MYT1L: variants seen among roughly 807,000 people sequenced by gnomAD.
The protein encoded by MYT1L is myelin transcription factor 1-like protein.
MYT1L carries 12 observed loss-of-function variants against 126.7 expected under a neutral mutation model. That is an observed-to-expected ratio of 0.09 (90% CI 0.06 to 0.15). The LOEUF is 0.15. MYT1L is among the 10% of genes least tolerant of loss of function. The pLI, the probability that MYT1L is intolerant of heterozygous loss-of-function variation, is 1.00. For synonymous variants in MYT1L, 541 were observed against 604.2 expected (o/e 0.90, Z 1.53); for missense variants, 979 against 1,585.2 (o/e 0.62, Z 6.49).
At chr2:2,079,446 T>C (rs542928765) in intron 3 of MYT1L, among the ~76,000 whole-genome samples, 7 of 152,372 alleles carry the variant, frequency 4.6e-5, no homozygotes, top group African/African-American at 1.7e-4. Context: ...TTCTAAGTAG[T>C]ATTTTTCAAT....
intron 21 of MYT1L, among the ~76,000 whole-genome samples, chr2:1,823,601 C>G (rs535034998): frequency 8.0e-5 from 12 of 150,628 alleles, no homozygotes; most frequent in Admixed American, 2.0e-4. Context: ...CAGGAAGACC[C>G]TCAGCTGGCT....
intron 3 of MYT1L, among the ~76,000 whole-genome samples, chr2:2,141,462 C>A (rs1575450494): frequency 6.6e-6 from 1 of 152,308 alleles, no homozygotes; most frequent in East Asian, 1.9e-4. Context: ...CTATGTATTG[C>A]ATTATCCCGT....
intron 8 of MYT1L, among the ~76,000 whole-genome samples, chr2:1,969,569 C>T (rs1244502918): frequency 6.6e-6 from 1 of 152,212 alleles, no homozygotes; most frequent in South Asian, 2.1e-4. Context: ...ACTTGGGGAA[C>T]CCCGGCTCTA....
intron 2 of MYT1L, among the ~76,000 whole-genome samples, chr2:2,241,522 T>C (rs1301603827): frequency 6.6e-6 from 1 of 152,238 alleles, no homozygotes; most frequent in Non-Finnish European, 1.5e-5. Flanking sequence ...GGAGGCCACA[T>C]GTTGCACTCC....
Position 1,979,022 on chromosome 2 carries a change from T to A in MYT1L, c.152+143A>T. 1 of 674,478 alleles carries A rather than the reference T, an allele frequency of 1.5e-6. No individual in the cohort carries two copies. Among genetic ancestry groups the A allele is most frequent in the Non-Finnish European group, 2.6e-6 (1 of 386,424 alleles). The allele number at this position is 674,478 out of a possible 1,614,324, so 41.8% of individuals were successfully genotyped here. A position where few individuals can be genotyped will look rare whatever the true frequency, so the allele number is the denominator to read the frequency against. On this transcript the variant is annotated intron_variant, in intron 8 of 24. Transcript: ENST00000647738. This position sits in a 1 kb window ranked among gnomAD's most constrained non-coding sequence, Gnocchi z 4.0. ...GAGAACCCTTTCAAGAGACAAAGAC[T>A]GAGTTCCAGTGTGAGAAGAAAAAGA...
chr2:2,155,437 A>G (rs1286108153), intron 3 of MYT1L, among the ~76,000 whole-genome samples: 2 of 152,146 alleles, frequency 1.3e-5, no homozygotes, highest in Non-Finnish European at 2.9e-5. Flanking sequence ...TAACACCTAT[A>G]ATTTCCTGGT....
At chr2:2,027,257 C>G (rs550547511) in intron 4 of MYT1L, among the ~76,000 whole-genome samples, 1 of 152,128 alleles carries the variant, frequency 6.6e-6, no homozygotes, top group Non-Finnish European at 1.5e-5. Context: ...AGCACCCTCC[C>G]GGCTGGTGAG....
chr2:1,839,495 A>G (rs1193519876), intron 20 of MYT1L, 125 bp from the exon 21 acceptor site: 1 of 815,974 alleles, frequency 1.2e-6, no homozygotes, highest in African/African-American at 1.7e-5. Context: ...GGCTGGGCAA[A>G]AGGAAAAGAA....
rs1348734406 is a variant in MYT1L at position 1,929,412 on chromosome 2, A to C, written c.506-6149T>G. ...AACTCAGAGCCCTGCAGTTCAACGCAGGTGAAAGGGGAACATGGAGGGTGA... is the reference window on the plus strand; with the variant it reads ...AACTCAGAGCCCTGCAGTTCAACGCCGGTGAAAGGGGAACATGGAGGGTGA... On this transcript the variant is annotated intron_variant, in intron 9 of 24. Coordinates refer to ENST00000647738, the MANE Select transcript of MYT1L (RefSeq NM_001303052.2). The surrounding 1 kb of genome is among the most constrained non-coding windows in gnomAD (Gnocchi z 4.7). Among the ~76,000 whole-genome samples the C allele has an allele frequency of 6.6e-6, 1 of 152,118 alleles. No individual in the cohort carries two copies. Among genetic ancestry groups the C allele is most frequent in the Non-Finnish European group, 1.5e-5 (1 of 68,024 alleles).
At position 1,806,722 on chromosome 2, in the gene MYT1L, C is replaced by T. The variant is rs1400978596; in HGVS notation, c.3172+2354G>A. On this transcript the variant is annotated intron_variant, in intron 22 of 24. Coordinates refer to ENST00000647738, the MANE Select transcript of MYT1L (RefSeq NM_001303052.2). This position sits in a 1 kb window ranked among gnomAD's most constrained non-coding sequence, Gnocchi z 4.9. ...GGACCAGCCCAGGTGTGAATGGCCC[C>T]TCCTCTAGGATTGGCAGATCTGTTC... Among the ~76,000 whole-genome samples the T allele has an allele frequency of 6.6e-6, 1 of 152,192 alleles. No individual in the cohort carries two copies. The highest frequency in any genetic ancestry group is 2.4e-5 in the African/African-American group (1 of 41,452).
intron 18 of MYT1L, among the ~76,000 whole-genome samples, chr2:1,884,259 G>A (rs925532998): frequency 3.3e-5 from 5 of 152,230 alleles, no homozygotes; most frequent in African/African-American, 9.6e-5. Context: ...ACAGGACACA[G>A]TGAATGGCTT....
intron 2 of MYT1L, among the ~76,000 whole-genome samples, chr2:2,236,012 G>A (rs188445683): frequency 2.1e-4 from 32 of 152,176 alleles, no homozygotes; most frequent in African/African-American, 7.5e-4. Context: ...ATTCCCAAAG[G>A]AGCCCAAGAA....
intron 13 of MYT1L, among the ~76,000 whole-genome samples, chr2:1,909,537 A>G (rs1351622701): frequency 6.6e-6 from 1 of 152,208 alleles, no homozygotes; most frequent in Non-Finnish European, 1.5e-5. Context: ...TTCAAACAAC[A>G]CGTAAGAATG....
rs557597119 is a variant in MYT1L, at chr2:2,159,291, G to C, written c.-304+13581C>G. Among the ~76,000 whole-genome samples the C allele has an allele frequency of 7.2e-5, 11 of 152,238 alleles. No individual in the cohort carries two copies. In the South Asian group the frequency reaches 2.3e-3, roughly 32 times the overall value. ...TCGCTAACTTGGAAATGGGGTCAAG[G>C]GTCCAGTATTCATGGTCTCTTCGGG... On this transcript the variant is annotated intron_variant, in intron 3 of 24. Transcript: ENST00000647738.
At chr2:2,266,897 C>T (rs574160486) in intron 2 of MYT1L, among the ~76,000 whole-genome samples, 1 of 152,322 alleles carries the variant, frequency 6.6e-6, no homozygotes, top group Admixed American at 6.5e-5. Context: ...TGTGAGGCCT[C>T]CCACGTGGAA....
chr2:2,319,658 C>T (rs2149680322), intron 1 of MYT1L, among the ~76,000 whole-genome samples: 1 of 152,224 alleles, frequency 6.6e-6, no homozygotes, highest in East Asian at 1.9e-4. Flanking sequence ...CTTCACTCAA[C>T]TCTTCTTCTT....
chr2:1,964,348 T>C (rs184737010), intron 8 of MYT1L, among the ~76,000 whole-genome samples: 20 of 152,286 alleles, frequency 1.3e-4, no homozygotes, highest in African/African-American at 4.3e-4. Flanking sequence ...GTTTGAAATA[T>C]TGCGAGAATT....
chr2:1,900,311 T>C (rs987761851), intron 14 of MYT1L, among the ~76,000 whole-genome samples: 1 of 152,006 alleles, frequency 6.6e-6, no homozygotes, highest in African/African-American at 2.4e-5. Context: ...GCTTTTTTTT[T>C]TTCTTGAAGA....
In MYT1L at chr2:1,789,574, A is replaced by G. The variant is rs2031670974; in HGVS notation, c.*2293T>C. 6.6e-6 allele frequency: 1 copy of G among 152,212 alleles called. No individual in the cohort carries two copies. The highest frequency in any genetic ancestry group is 2.4e-5 in the African/African-American group (1 of 41,452). 9.4% of individuals were successfully genotyped at this position (152,212 alleles called of 1,614,324 possible). A position where few individuals can be genotyped will look rare whatever the true frequency, so the allele number is the denominator to read the frequency against. ...TGCTTAAAATCCCTTTCCATTGTAC[A>G]TAGGTGATAACAATAAGAATCCAAA... On this transcript the variant is annotated 3_prime_UTR_variant, in exon 25 of 25. Coordinates refer to ENST00000647738, the MANE Select transcript of MYT1L (RefSeq NM_001303052.2).
Sources: gnomAD v4.1 joint callset for allele counts (sites outside exome capture counted in the v4.1 genomes callset) on GRCh38, gnomAD v4.1.1 for gene constraint, Gnocchi (gnomAD v3.1) non-coding constraint, MANE v1.5 for transcripts, NCBI Gene and HGNC (gene_info 2026-07-23, HGNC 2026-07-21) for gene names.